Variants in ADGRL1 observed in about 807,000 individuals in gnomAD.
ADGRL1 encodes the protein adhesion G protein-coupled receptor L1, also known as CIRL-1.
ADGRL1 carries 31 observed loss-of-function variants against 148.9 expected under a neutral mutation model. The ratio of observed to expected loss-of-function variants is 0.21; its 90% confidence interval spans 0.16 to 0.28. The LOEUF (loss-of-function observed/expected upper bound fraction) is 0.28, where lower values mean the gene tolerates loss of function less well. ADGRL1 is among the 10% of genes least tolerant of loss of function. ADGRL1 has a pLI of 1.00. For missense variants in ADGRL1, 1,521 were observed against 2,058.8 expected, an observed-to-expected ratio of 0.74 and a Z score of 5.05; for synonymous variants, 937 against 900.3, an observed-to-expected ratio of 1.04 and a Z score of -0.73.
chr19:14,178,056 T>C (rs909767329), intron 2 of ADGRL1, among the ~76,000 whole-genome samples: 2 of 152,158 alleles, frequency 1.3e-5, no homozygotes, highest in Admixed American at 6.5e-5. Context: ...CTGTTATGGA[T>C]TGAACTGTGT....
At chr19:14,193,271 CAAAA>C (rs34844517) in intron 1 of ADGRL1, among the ~76,000 whole-genome samples, 1 of 48,626 alleles carries the variant, frequency 2.1e-5, no homozygotes, top group Non-Finnish European at 3.6e-5. Context: ...CCCCCACCGC[CAAAA>C]AAAAAAAAAA....
chr19:14,180,576 G>T (rs1971123192), intron 2 of ADGRL1, among the ~76,000 whole-genome samples: 1 of 151,444 alleles, frequency 6.6e-6, no homozygotes, highest in South Asian at 2.1e-4. Flanking sequence ...TTCAGACAGG[G>T]TCTCACCCTG....
intron 18 of ADGRL1, among the ~76,000 whole-genome samples, chr19:14,153,871 G>C (rs1439091847): frequency 2.0e-5 from 3 of 151,756 alleles, no homozygotes; most frequent in African/African-American, 7.3e-5. Context: ...AAGCTGGGGG[G>C]GTGGAGGTTG....
rs1019242204 is a variant in ADGRL1 at position 14,162,011 on chromosome 19, C to G, written c.1196-385G>C. 2.0e-5 allele frequency among the ~76,000 whole-genome samples: 3 copies of G among 152,178 alleles called. No homozygotes were observed. The highest frequency in any genetic ancestry group is 1.9e-4 in the East Asian group (1 of 5,182). ...GTGGGGGCTGAATACCACCGCCCCC[C>G]ATCCTCGTTCTAGCTGACTTTGGCT... is the stretch of plus-strand genomic sequence containing the variant. On this transcript the variant is annotated intron_variant, in intron 5 of 22. Coordinates refer to ENST00000361434, the MANE Select transcript of ADGRL1 (RefSeq NM_014921.5). The surrounding 1 kb of genome is among the most constrained non-coding windows in gnomAD (Gnocchi z 5.4).
chr19:14,153,630 G>C (rs562758185), intron 18 of ADGRL1, among the ~76,000 whole-genome samples: 1 of 133,554 alleles, frequency 7.5e-6, no homozygotes, highest in African/African-American at 2.9e-5. Flanking sequence ...GTTTCACCAT[G>C]TTGGCCAGAC....
rs1967826972 is a variant in ADGRL1 at position 14,148,553 on chromosome 19, C to CA, written c.*2319_*2320insT. On this transcript the variant is annotated 3_prime_UTR_variant, in exon 23 of 23. Coordinates refer to ENST00000361434, the MANE Select transcript of ADGRL1 (RefSeq NM_014921.5). The stretch of plus-strand genomic sequence containing the variant: ...GCTCTTCACAGACCTCTGACCACCC[C>CA]TCCACACAACAGAGCTCCCAGCCTA... 6.5e-6 allele frequency: 1 copy of CA among 152,672 alleles called. No homozygotes were observed. The highest frequency in any genetic ancestry group is 2.4e-5 in the African/African-American group (1 of 41,456). The allele number at this position is 152,672 out of a possible 1,614,324, so 9.5% of individuals were successfully genotyped here. A position where few individuals can be genotyped will look rare whatever the true frequency, so the allele number is the denominator to read the frequency against.
intron 2 of ADGRL1, among the ~76,000 whole-genome samples, chr19:14,182,729 G>T (rs934899039): frequency 6.6e-6 from 1 of 152,202 alleles, no homozygotes; most frequent in Non-Finnish European, 1.5e-5. Context: ...TGGGGCTATG[G>T]GGCAGGACCT....
At chr19:14,184,882 G>A (rs10423677) in intron 1 of ADGRL1, among the ~76,000 whole-genome samples, 5,899 of 151,936 alleles carry the variant, frequency 0.039, 365 homozygotes, top group African/African-American at 0.13. Flanking sequence ...CTCGTGATCC[G>A]CCCGTCTCGG....
At chr19:14,177,192 C>T (rs900986820) in intron 3 of ADGRL1, among the ~76,000 whole-genome samples, 5 of 151,992 alleles carry the variant, frequency 3.3e-5, no homozygotes, top group Admixed American at 6.6e-5. Context: ...GATGCCACCA[C>T]GCTCCAGCCT....
At chr19:14,177,491 C>G (rs776513050) in intron 3 of ADGRL1, 40 bp downstream of exon 3, 3 of 1,572,126 alleles carry the variant, frequency 1.9e-6, no homozygotes, top group Middle Eastern at 1.7e-4. Context: ...TGCTTTTAGG[C>G]GGGCACTTCA....
chr19:14,157,809 C>A lies in ADGRL1; in HGVS notation c.2535+73G>T. 6.5e-7 allele frequency: 1 copy of A among 1,548,162 alleles called. No homozygotes were observed. The highest frequency in any genetic ancestry group is 8.8e-7 in the Non-Finnish European group (1 of 1,142,790). On this transcript the variant is annotated intron_variant, in intron 13 of 22. Transcript: ENST00000361434. The surrounding 1 kb of genome is among the most constrained non-coding windows in gnomAD (Gnocchi z 7.5). ...AGCCTCCCCTGGTACTGCCCGTGAT[C>A]TCTCTAGGATGCCATGCAAAGCCAG... is the stretch of plus-strand genomic sequence containing the variant.
intron 1 of ADGRL1, among the ~76,000 whole-genome samples, chr19:14,197,100 C>T (rs776011269): frequency 4.6e-5 from 7 of 152,042 alleles, no homozygotes; most frequent in Non-Finnish European, 7.4e-5. Flanking sequence ...CAGTGAGATC[C>T]TGTCTCTACA....
rs1281510430 is a variant in ADGRL1, at chr19:14,148,529, CTCT to C, written c.*2341_*2343del. 1 of 152,714 alleles carries C rather than the reference CTCT, an allele frequency of 6.5e-6. No individual in the cohort carries two copies. The highest frequency in any genetic ancestry group is 6.5e-5 in the Admixed American group (1 of 15,290). 9.5% of individuals were successfully genotyped at this position (152,714 alleles called of 1,614,324 possible). On this transcript the variant is annotated 3_prime_UTR_variant, in exon 23 of 23. Coordinates refer to ENST00000361434, the MANE Select transcript of ADGRL1 (RefSeq NM_014921.5). ...CTCGCCTGCTCATGCCTCCTGCCCG[CTCT>C]TCACAGACCTCTGACCACCCCTCCA...
chr19:14,161,613 G>C lies in ADGRL1; in HGVS notation c.1209C>G (p.Ser403=). ...CTGTGGTGGTCGTGCTGAGGGGTGG[G>C]GAAGTGGCTGGGCCTGGAGAGGGGA... The part of the protein sequence containing the change: ...PPDPSAGPAT[S]PPLSTTTTAR... Residue 403 remains serine, a synonymous_variant, in exon 6 of 23, where the codon TCC becomes TCG. Coordinates refer to ENST00000361434, the MANE Select transcript of ADGRL1 (RefSeq NM_014921.5). This position sits in a 1 kb window ranked among gnomAD's most constrained non-coding sequence, Gnocchi z 4.4. 7.0e-7 allele frequency: 1 copy of C among 1,418,546 alleles called. No individual in the cohort carries two copies. Among genetic ancestry groups the C allele is most frequent in the South Asian group, 1.6e-5 (1 of 62,678 alleles). 87.9% of individuals were successfully genotyped at this position (1,418,546 alleles called of 1,614,324 possible).
At chr19:14,168,449 CGT>C (rs1036024196) in intron 4 of ADGRL1, among the ~76,000 whole-genome samples, 46 of 152,114 alleles carry the variant, frequency 3.0e-4, no homozygotes, top group South Asian at 8.3e-4. Context: ...TGTGTGTGTG[CGT>C]GTGTCTCCTG....
chr19:14,199,046 T>C (rs1599523701), intron 1 of ADGRL1, among the ~76,000 whole-genome samples: 1 of 151,970 alleles, frequency 6.6e-6, no homozygotes, highest in Non-Finnish European at 1.5e-5. Context: ...TGCTGGCAGG[T>C]AAGGGGCAGG....
chr19:14,182,080 G>A lies in ADGRL1; in HGVS notation c.70+1453C>T, dbSNP rs141464236. Among the ~76,000 whole-genome samples the A allele has an allele frequency of 1.7e-4, 26 of 152,208 alleles. 1 individual carries two copies. The East Asian group carries it at 3.3e-3, about 19-fold the overall frequency. ...ATGGCTGGGGTTGGAATTCCAGCCC[G>A]GCCACTCCCTGGCTGCAGCCTCATC... On this transcript the variant is annotated intron_variant, in intron 2 of 22. Transcript: ENST00000361434.
rs1968692038 is a variant in ADGRL1, at chr19:14,155,980, T to G, written c.3125+130A>C. ...AGTGAACACAATAGAACACCCCTGT[T>G]GGTACTTAAAATTGCAATGTGTGTC... is the stretch of plus-strand genomic sequence containing the variant. On this transcript the variant is annotated intron_variant, in intron 17 of 22. Transcript: ENST00000361434. This position sits in a 1 kb window ranked among gnomAD's most constrained non-coding sequence, Gnocchi z 5.0. 8 of 689,922 alleles carry G rather than the reference T, an allele frequency of 1.2e-5. No individual in the cohort carries two copies. In the South Asian group the frequency reaches 1.2e-4, roughly 10 times the overall value. The allele number at this position is 689,922 out of a possible 1,614,324, so 42.7% of individuals were successfully genotyped here.
rs554296384 is a variant in ADGRL1, at chr19:14,183,331, G to A, written c.70+202C>T. ...GGCCCAGCCGACTTGTTGGAGGTAA[G>A]AGGATGGTCCAGGGGCCTCTTGGTG... On this transcript the variant is annotated intron_variant, in intron 2 of 22. Coordinates refer to ENST00000361434, the MANE Select transcript of ADGRL1 (RefSeq NM_014921.5). 3.1e-4 allele frequency among the ~76,000 whole-genome samples: 47 copies of A among 152,292 alleles called. 1 individual carries two copies. In the South Asian group the frequency reaches 9.8e-3, roughly 32 times the overall value.
Sources: gnomAD v4.1 joint callset for allele counts (sites outside exome capture counted in the v4.1 genomes callset) on GRCh38, gnomAD v4.1.1 for gene constraint, Gnocchi (gnomAD v3.1) non-coding constraint, MANE v1.5 for transcripts, NCBI Gene and HGNC (gene_info 2026-07-23, HGNC 2026-07-21) for gene names.